GLI2: variants seen among roughly 807,000 people sequenced by gnomAD.
The protein encoded by GLI2 is transcription activator GLI2.
GLI2 carries 22 observed loss-of-function variants against 78.9 expected under a neutral mutation model. The observed-to-expected ratio is 0.28, with a 90% CI of 0.20 to 0.40. The LOEUF (loss-of-function observed/expected upper bound fraction) is 0.40, where lower values mean the gene tolerates loss of function less well. GLI2 is among the 10% of genes least tolerant of loss of function. The pLI is 1.00. For synonymous variants in GLI2, 974 were observed against 963.7 expected, an observed-to-expected ratio of 1.01 and a Z score of -0.20; for missense variants, 2,097 against 2,213.2, an observed-to-expected ratio of 0.95 and a Z score of 1.05.
chr2:120,920,122 T>C (rs1355411318), intron 2 of GLI2, among the ~76,000 whole-genome samples: 1 of 152,202 alleles, frequency 6.6e-6, no homozygotes, highest in Non-Finnish European at 1.5e-5. Context: ...GAGACCATGG[T>C]AACTGGAGAT....
At chr2:120,823,195 C>G (rs913686738) in intron 2 of GLI2, among the ~76,000 whole-genome samples, 3 of 152,208 alleles carry the variant, frequency 2.0e-5, no homozygotes, top group African/African-American at 7.2e-5. Flanking sequence ...TGCAGGGACG[C>G]TCCACTGTAG....
At chr2:120,778,222 C>T (rs946655101) in intron 1 of GLI2, among the ~76,000 whole-genome samples, 2 of 152,130 alleles carry the variant, frequency 1.3e-5, no homozygotes, top group African/African-American at 4.8e-5. Flanking sequence ...CTGGCCTCCT[C>T]GCTCCCGATT....
chr2:120,847,001 G>C (rs929092870), intron 2 of GLI2, among the ~76,000 whole-genome samples: 19 of 152,032 alleles, frequency 1.2e-4, no homozygotes, highest in Admixed American at 5.2e-4. Context: ...CAAGAGCTCA[G>C]CTACTCTGGT....
intron 2 of GLI2, among the ~76,000 whole-genome samples, chr2:120,832,495 C>G (rs948233048): frequency 6.6e-6 from 1 of 151,980 alleles, no homozygotes; most frequent in Admixed American, 6.5e-5. Flanking sequence ...CCCTGTGTGG[C>G]GGAGAACTCT....
At chr2:120,763,152 C>T (rs898414775) in intron 1 of GLI2, among the ~76,000 whole-genome samples, 8 of 152,180 alleles carry the variant, frequency 5.3e-5, no homozygotes, top group African/African-American at 1.9e-4. Flanking sequence ...GCCCTTCCTG[C>T]CCCCACCACA....
intron 2 of GLI2, among the ~76,000 whole-genome samples, chr2:120,849,675 C>T (rs1359840550): frequency 6.6e-6 from 1 of 152,220 alleles, no homozygotes; most frequent in African/African-American, 2.4e-5. Flanking sequence ...TCCAGTCCCT[C>T]TTCTTTAAAT....
At chr2:120,848,492 A>G (rs1018888126) in intron 2 of GLI2, among the ~76,000 whole-genome samples, 2 of 152,176 alleles carry the variant, frequency 1.3e-5, no homozygotes, top group Non-Finnish European at 2.9e-5. Context: ...GGGTGGAGGC[A>G]GGGTACTCAG....
chr2:120,756,635 G>T (rs981279490), intron 1 of GLI2, among the ~76,000 whole-genome samples: 7 of 152,162 alleles, frequency 4.6e-5, no homozygotes, highest in Non-Finnish European at 8.8e-5. Flanking sequence ...GTTTTCAACT[G>T]TTAAAACAGT....
chr2:120,885,033 T>C (rs1677328410), intron 2 of GLI2, among the ~76,000 whole-genome samples: 1 of 152,190 alleles, frequency 6.6e-6, no homozygotes, highest in Non-Finnish European at 1.5e-5. Flanking sequence ...ATCTTGGAAG[T>C]GTTCAGTGTC....
At chr2:120,943,447 AGGTC>A (rs1315596642) in intron 3 of GLI2, among the ~76,000 whole-genome samples, 1 of 152,176 alleles carries the variant, frequency 6.6e-6, no homozygotes, top group African/African-American at 2.4e-5. Flanking sequence ...GCTGCCACTG[AGGTC>A]ATAAGTCACC....
intron 2 of GLI2, among the ~76,000 whole-genome samples, chr2:120,832,043 C>T (rs542460401): frequency 2.6e-5 from 4 of 152,150 alleles, no homozygotes; most frequent in African/African-American, 4.8e-5. Context: ...CAGTAAACAC[C>T]AGGTACACAG....
chr2:120,826,534 T>G (rs1686071053), intron 2 of GLI2, among the ~76,000 whole-genome samples: 1 of 152,174 alleles, frequency 6.6e-6, no homozygotes, highest in South Asian at 2.1e-4. Flanking sequence ...TGTGGGACCT[T>G]GCTTGAGGTG....
chr2:120,870,198 G>A (rs1423686931), intron 2 of GLI2, among the ~76,000 whole-genome samples: 2 of 152,122 alleles, frequency 1.3e-5, no homozygotes, highest in Admixed American at 6.5e-5. Flanking sequence ...CTTTCCTCCT[G>A]TACGCTGAGC....
Position 120,835,601 on chromosome 2 carries a change from G to A in GLI2, c.148+38133G>A, listed in dbSNP as rs553020303. 3.3e-5 allele frequency among the ~76,000 whole-genome samples: 5 copies of A among 152,202 alleles called. No homozygotes were observed. The East Asian group carries it at 9.7e-4, about 29-fold the overall frequency. ...GGGTTTCACCATGTTGACCAGGCTA[G>A]TCTCCGACTCCTGACCTCAGGTGAT... On this transcript the variant is annotated intron_variant, in intron 2 of 13. Coordinates refer to ENST00000361492, the MANE Select transcript of GLI2 (RefSeq NM_001374353.1).
At chr2:120,776,187 T>C (rs972178646) in intron 1 of GLI2, among the ~76,000 whole-genome samples, 1 of 152,230 alleles carries the variant, frequency 6.6e-6, no homozygotes, top group Non-Finnish European at 1.5e-5. Flanking sequence ...CACTGGGCCT[T>C]GACACATATT....
rs1683601451 is a variant in GLI2, at chr2:120,773,943, C to CTCCCTCCCTCCT, written c.-30-23329_-30-23318dup. On this transcript the variant is annotated intron_variant, in intron 1 of 13. Transcript: ENST00000361492. ...CTTCCTTCCTTCCTTCCCTCCCTCC[C>CTCCCTCCCTCCT]TCCCTCCCTCCTTCCCTCCCTCCTT... Among the ~76,000 whole-genome samples the CTCCCTCCCTCCT allele has an allele frequency of 3.5e-5, 5 of 140,908 alleles. No homozygotes were observed. The South Asian group carries it at 1.0e-3, about 28-fold the overall frequency. 92.4% of individuals were successfully genotyped at this position (140,908 alleles called of 152,430 possible).
intron 1 of GLI2, among the ~76,000 whole-genome samples, chr2:120,752,512 G>T (rs185988517): frequency 2.0e-5 from 3 of 152,056 alleles, no homozygotes; most frequent in African/African-American, 7.2e-5. Context: ...CTCGTGATCC[G>T]CCCACCTCGG....
intron 1 of GLI2, among the ~76,000 whole-genome samples, chr2:120,769,426 C>T (rs1683461312): frequency 6.6e-6 from 1 of 152,214 alleles, no homozygotes; most frequent in Non-Finnish European, 1.5e-5. Context: ...ACCTCAGTGC[C>T]CTGTGCATTT....
chr2:120,751,146 A>G (rs1465398466), intron 1 of GLI2, among the ~76,000 whole-genome samples: 1 of 152,246 alleles, frequency 6.6e-6, no homozygotes, highest in Non-Finnish European at 1.5e-5. Flanking sequence ...GAAGGACAGG[A>G]CAGCTGGAAA....
Sources: allele counts gnomAD v4.1 joint callset (sites outside exome capture counted in the v4.1 genomes callset), GRCh38; gene constraint gnomAD v4.1.1; transcripts MANE v1.5; gene names NCBI Gene and HGNC (gene_info 2026-07-23, HGNC 2026-07-21).